The following ROBO2 variants were observed in gnomAD, a reference collection of about 807,000 sequenced individuals.
ROBO2 encodes the protein roundabout homolog 2.
Under a neutral mutation model 160.8 loss-of-function variants are expected in ROBO2, and 53 were observed. The ratio of observed to expected loss-of-function variants is 0.33; its 90% CI spans 0.26 to 0.41. The LOEUF is 0.41. Among genes scored for constraint, ROBO2 ranks in the 10% least tolerant of loss-of-function variants. The pLI, the probability that ROBO2 is intolerant of heterozygous loss-of-function variation, is 1.00. For missense variants in ROBO2, 1,577 were observed against 1,722.4 expected (o/e 0.92, Z 1.49); for synonymous variants, 664 against 611.7 (o/e 1.09, Z -1.26).
intron 2 of ROBO2, among the ~76,000 whole-genome samples, chr3:76,216,340 A>G (rs368344274): frequency 1.3e-5 from 2 of 152,086 alleles, no homozygotes; most frequent in South Asian, 2.1e-4. Flanking sequence ...TGGACTAAAT[A>G]CTCCAATTAA....
chr3:77,577,097 T>C (rs1410925420), intron 14 of ROBO2, among the ~76,000 whole-genome samples: 1 of 152,078 alleles, frequency 6.6e-6, no homozygotes, highest in Non-Finnish European at 1.5e-5. Context: ...AAATTCTGAC[T>C]TGCTCTTTGA....
rs969834187 is a variant in ROBO2, at chr3:77,589,909, A to C, written c.2683+976A>C. 2.6e-5 allele frequency among the ~76,000 whole-genome samples: 4 copies of C among 152,292 alleles called. No individual in the cohort carries two copies. In the South Asian group the frequency reaches 8.3e-4, roughly 32 times the overall value. On this transcript the variant is annotated intron_variant, in intron 17 of 25. Transcript: ENST00000461745. ...AAGAAGTTTTTGAGACATTATATTC[A>C]ATCTTGTATTCCTAATATTAAATTT...
chr3:77,010,626 T>G (rs774279446), intron 2 of ROBO2, among the ~76,000 whole-genome samples: 3 of 152,132 alleles, frequency 2.0e-5, no homozygotes, highest in Non-Finnish European at 4.4e-5. Flanking sequence ...CCCGTGGTGT[T>G]CCTTCTTCCT....
At chr3:76,667,455 C>T (rs2092093670) in intron 2 of ROBO2, among the ~76,000 whole-genome samples, 2 of 152,156 alleles carry the variant, frequency 1.3e-5, no homozygotes, top group Admixed American at 1.3e-4. Flanking sequence ...GGTTTCTGTT[C>T]TCTTGCTTTC....
exon 26 of ROBO2, chr3:77,646,232 T>A: frequency 2.2e-6 from 1 of 446,410 alleles, no homozygotes; most frequent in East Asian, 3.4e-5. Flanking sequence ...TGTGTTCTTC[T>A]CTTAAGTACA....
At chr3:76,978,534 G>A (rs538168279) in intron 2 of ROBO2, among the ~76,000 whole-genome samples, 85 of 152,146 alleles carry the variant, frequency 5.6e-4, no homozygotes, top group African/African-American at 2.0e-3. Context: ...TTTGCCAGAT[G>A]AGAACTATAT....
At chr3:77,153,505 A>G (rs375011577) in intron 2 of ROBO2, among the ~76,000 whole-genome samples, 3 of 152,092 alleles carry the variant, frequency 2.0e-5, no homozygotes, top group African/African-American at 7.2e-5. Context: ...AATTTCTGAA[A>G]TTAAATTTAT....
intron 2 of ROBO2, among the ~76,000 whole-genome samples, chr3:76,022,467 A>C (rs771748646): frequency 1.1e-4 from 17 of 151,804 alleles, no homozygotes; most frequent in Non-Finnish European, 2.4e-4. Context: ...TATGTAATAA[A>C]ACTTGAAAGT....
At chr3:76,055,724 T>TAA (rs974716804) in intron 2 of ROBO2, among the ~76,000 whole-genome samples, 1 of 152,042 alleles carries the variant, frequency 6.6e-6, no homozygotes, top group Non-Finnish European at 1.5e-5. Flanking sequence ...ACTTTTTTTT[T>TAA]ATCTAATCAA....
At chr3:76,341,405 G>C (rs111567884) in intron 2 of ROBO2, among the ~76,000 whole-genome samples, 1 of 111,518 alleles carries the variant, frequency 9.0e-6, no homozygotes, top group Non-Finnish European at 1.7e-5. Flanking sequence ...AATGCTTTTC[G>C]CTTTTTTAAA....
chr3:76,567,654 C>CATACATAT (rs1259065851), intron 2 of ROBO2, among the ~76,000 whole-genome samples: 17 of 41,646 alleles, frequency 4.1e-4, no homozygotes, highest in Non-Finnish European at 7.1e-4. Context: ...TATATATATA[C>CATACATAT]ACATACACAT....
At chr3:76,676,732 A>G (rs2092419623) in intron 2 of ROBO2, among the ~76,000 whole-genome samples, 2 of 152,168 alleles carry the variant, frequency 1.3e-5, no homozygotes, top group South Asian at 4.1e-4. Flanking sequence ...ACATGGAAAC[A>G]TGCATATACT....
At chr3:76,303,495 A>G (rs1559735777) in intron 2 of ROBO2, among the ~76,000 whole-genome samples, 1 of 152,086 alleles carries the variant, frequency 6.6e-6, no homozygotes, top group East Asian at 1.9e-4. Context: ...TTTTTTCAAA[A>G]TGCACGCACC....
chr3:76,373,639 A>G (rs2076208784), intron 2 of ROBO2, among the ~76,000 whole-genome samples: 2 of 152,004 alleles, frequency 1.3e-5, no homozygotes, highest in Non-Finnish European at 1.5e-5. Flanking sequence ...TCTTAATACA[A>G]TGGCTTACAT....
At chr3:76,958,378 T>G (rs949236800) in intron 2 of ROBO2, among the ~76,000 whole-genome samples, 2 of 152,244 alleles carry the variant, frequency 1.3e-5, no homozygotes, top group South Asian at 4.1e-4. Context: ...TTTGTGATTT[T>G]TATCTGTCTG....
intron 2 of ROBO2, among the ~76,000 whole-genome samples, chr3:76,880,966 G>C (rs1181685006): frequency 6.6e-6 from 1 of 152,114 alleles, no homozygotes; most frequent in African/African-American, 2.4e-5. Context: ...AATTGCTTCT[G>C]TGCTCAGATG....
At chr3:76,236,939 A>G (rs1704983940) in intron 2 of ROBO2, among the ~76,000 whole-genome samples, 1 of 152,044 alleles carries the variant, frequency 6.6e-6, no homozygotes, top group Non-Finnish European at 1.5e-5. Flanking sequence ...CTTTATATGT[A>G]ACATTTTATG....
At chr3:76,855,917 A>ATATCTTTGT (rs1346607598) in intron 2 of ROBO2, among the ~76,000 whole-genome samples, 9 of 152,220 alleles carry the variant, frequency 5.9e-5, no homozygotes, top group African/African-American at 2.2e-4. Context: ...TGAAAGCAGT[A>ATATCTTTGT]TATCTTTGTT....
chr3:77,368,556 G>A (rs981306200), intron 2 of ROBO2, among the ~76,000 whole-genome samples: 2 of 152,078 alleles, frequency 1.3e-5, no homozygotes, highest in African/African-American at 4.8e-5. Flanking sequence ...TATATTTAAT[G>A]TTATACTTTT....
Sources: allele counts gnomAD v4.1 joint callset (sites outside exome capture counted in the v4.1 genomes callset), GRCh38; gene constraint gnomAD v4.1.1; transcripts MANE v1.5; gene names NCBI Gene and HGNC (gene_info 2026-07-23, HGNC 2026-07-21).